TXNDC16: variants seen among roughly 807,000 people sequenced by gnomAD.
TXNDC16 encodes thioredoxin domain-containing protein 16.
TXNDC16 carries 74 observed loss-of-function variants against 85.6 expected under a neutral mutation model. The observed-to-expected ratio is 0.86, with a 90% CI of 0.72 to 1.05. TXNDC16 has a LOEUF of 1.05. Among genes scored for constraint, TXNDC16 ranks in the 50% least tolerant of loss-of-function variants. The pLI is 0.00. For synonymous variants in TXNDC16, 335 were observed against 326.5 expected, an observed-to-expected ratio of 1.03 and a Z score of -0.28; for missense variants, 959 against 947.0, an observed-to-expected ratio of 1.01 and a Z score of -0.17.
chr14:52,543,313 T>G, intron 3 of TXNDC16, 85 bp downstream of exon 3: 1 of 1,418,082 alleles, frequency 7.1e-7, no homozygotes. Flanking sequence ...ATTATTAATC[T>G]TAACAGAAAT....
At chr14:52,489,477 T>G (rs1216887935) in intron 11 of TXNDC16, among the ~76,000 whole-genome samples, 1 of 152,142 alleles carries the variant, frequency 6.6e-6, no homozygotes, top group African/African-American at 2.4e-5. Context: ...CTATCACATA[T>G]CTTCATTTTT....
intron 12 of TXNDC16, 53 bp from the exon 13 acceptor site, chr14:52,483,018 T>C: frequency 2.8e-6 from 4 of 1,432,056 alleles, no homozygotes; most frequent in Middle Eastern, 4.0e-4. Context: ...ATGAAAACTA[T>C]TTAAGCTCTT....
In TXNDC16 at chr14:52,482,253, A is replaced by C. The variant is rs903857570; in HGVS notation, c.1289T>G (p.Ile430Ser). 1 of 1,612,248 alleles carries C rather than the reference A, an allele frequency of 6.2e-7. No homozygotes were observed. The highest frequency in any genetic ancestry group is 8.5e-7 in the Non-Finnish European group (1 of 1,179,060). Residue 430 changes from isoleucine to serine, a missense_variant, in exon 14 of 21, where the codon ATT becomes AGT. Physicochemically the swap from Ile to Ser is moderately radical, Grantham distance 142. Transcript: ENST00000281741. ...ACCTTTCAGTTTAACTGCCACATCA[A>C]TATAGGATTGCAAAAATGCCATGGA... is the stretch of plus-strand genomic sequence containing the variant. Reference protein sequence around the residue: ...AVSMAFLQSYIDVAVKLKGTS... With the variant: ...AVSMAFLQSYSDVAVKLKGTS...
chr14:52,436,892 G>A (rs2035041809), intron 20 of TXNDC16, among the ~76,000 whole-genome samples: 1 of 151,532 alleles, frequency 6.6e-6, no homozygotes, highest in South Asian at 2.1e-4. Context: ...ACTCTGTCAT[G>A]GAACAGTATC....
At chr14:52,517,524 A>G (rs1013170055) in intron 7 of TXNDC16, among the ~76,000 whole-genome samples, 1 of 151,954 alleles carries the variant, frequency 6.6e-6, no homozygotes, top group African/African-American at 2.4e-5. Context: ...AAACCAAAAA[A>G]CGTTTATAAA....
At chr14:52,455,051 G>C (rs1377109084) in intron 18 of TXNDC16, among the ~76,000 whole-genome samples, 1 of 152,164 alleles carries the variant, frequency 6.6e-6, no homozygotes, top group Non-Finnish European at 1.5e-5. Flanking sequence ...TTCCAGAATG[G>C]ACATGCTTTA....
intron 16 of TXNDC16, among the ~76,000 whole-genome samples, chr14:52,466,632 C>T (rs1566542778): frequency 2.6e-5 from 4 of 151,748 alleles, no homozygotes; most frequent in African/African-American, 4.8e-5. Flanking sequence ...TTTGGGAGGC[C>T]GAGATAGGCG....
At chr14:52,503,151 G>A (rs1594736129) in intron 9 of TXNDC16, among the ~76,000 whole-genome samples, 1 of 152,226 alleles carries the variant, frequency 6.6e-6, no homozygotes, top group Non-Finnish European at 1.5e-5. Flanking sequence ...ACCTCTGGGG[G>A]CAGGACTTAG....
rs186976797 is a variant in TXNDC16 at position 52,463,702 on chromosome 14, C to A, written c.1618+6335G>T. 1.7e-3 allele frequency among the ~76,000 whole-genome samples: 263 copies of A among 152,290 alleles called. 1 individual carries two copies. The highest frequency in any genetic ancestry group is 6.3e-3 in the African/African-American group (260 of 41,560). ...TCTGTTTATACATTTAGTTAGGTTA[C>A]AGTTCACTACTTATAGAGAAACCTT... On this transcript the variant is annotated intron_variant, in intron 16 of 20. Transcript: ENST00000281741.
chr14:52,486,117 C>CAT (rs954917525), intron 12 of TXNDC16, among the ~76,000 whole-genome samples: 61 of 152,008 alleles, frequency 4.0e-4, no homozygotes, highest in African/African-American at 1.4e-3. Context: ...TCTTATTATT[C>CAT]ATATATTTTC....
chr14:52,529,299 G>A (rs1156893757), intron 6 of TXNDC16, among the ~76,000 whole-genome samples: 2 of 149,334 alleles, frequency 1.3e-5, no homozygotes, highest in African/African-American at 4.9e-5. Context: ...GACACAGGAA[G>A]GGGAACACAC....
chr14:52,439,850 G>A (rs1281308033), intron 19 of TXNDC16, among the ~76,000 whole-genome samples: 1 of 151,796 alleles, frequency 6.6e-6, no homozygotes, highest in African/African-American at 2.4e-5. Flanking sequence ...TCAAATTAAA[G>A]AAGTAGAAAT....
intron 1 of TXNDC16, among the ~76,000 whole-genome samples, chr14:52,545,029 C>T (rs1219534339): frequency 6.6e-6 from 1 of 152,050 alleles, no homozygotes; most frequent in Non-Finnish European, 1.5e-5. Context: ...GGAGAAAATG[C>T]ATGCATTTCT....
intron 18 of TXNDC16, among the ~76,000 whole-genome samples, chr14:52,450,420 G>A (rs2035380027): frequency 6.7e-6 from 1 of 149,334 alleles, no homozygotes; most frequent in Non-Finnish European, 1.5e-5. Flanking sequence ...TAACAAACAA[G>A]GAGATTGAAG....
chr14:52,500,791 G>A (rs569500481), intron 9 of TXNDC16, among the ~76,000 whole-genome samples: 1 of 152,128 alleles, frequency 6.6e-6, no homozygotes, highest in South Asian at 2.1e-4. Context: ...TTGAATCTGA[G>A]ACAGACAGCT....
At chr14:52,459,375 AG>A (rs2140119470) in intron 16 of TXNDC16, among the ~76,000 whole-genome samples, 2 of 152,278 alleles carry the variant, frequency 1.3e-5, no homozygotes, top group African/African-American at 4.8e-5. Flanking sequence ...TGAACCAGGA[AG>A]AAATTGATTC....
In TXNDC16 at chr14:52,490,769, T is replaced by C. The variant is rs2036381346; in HGVS notation, c.923+70A>G. 6.6e-6 allele frequency: 10 copies of C among 1,510,074 alleles called. No homozygotes were observed. In the Admixed American group the frequency reaches 1.9e-4, roughly 29 times the overall value. 93.5% of individuals were successfully genotyped at this position (1,510,074 alleles called of 1,614,324 possible). A position where few individuals can be genotyped will look rare whatever the true frequency, so the allele number is the denominator to read the frequency against. On this transcript the variant is annotated intron_variant, in intron 10 of 20. Coordinates refer to ENST00000281741, the MANE Select transcript of TXNDC16 (RefSeq NM_020784.3). The stretch of plus-strand genomic sequence containing the variant: ...TGAGTTTACTTATAAGTGATTAAAT[T>C]ACCATATTTTAAAACGTGGAAACTA...
At chr14:52,485,133 A>C (rs2036238994) in intron 12 of TXNDC16, among the ~76,000 whole-genome samples, 1 of 152,206 alleles carries the variant, frequency 6.6e-6, no homozygotes, top group Non-Finnish European at 1.5e-5. Context: ...AAGACCTTCC[A>C]AAGGGACAAG....
At chr14:52,527,242 T>C (rs1291934886) in intron 6 of TXNDC16, among the ~76,000 whole-genome samples, 4 of 152,062 alleles carry the variant, frequency 2.6e-5, no homozygotes, top group African/African-American at 4.8e-5. Context: ...GCATCTCAGG[T>C]AGGGGGCAGT....
Sources: gnomAD v4.1 joint callset for allele counts (sites outside exome capture counted in the v4.1 genomes callset) on GRCh38, gnomAD v4.1.1 for gene constraint, MANE v1.5 for transcripts, NCBI Gene and HGNC (gene_info 2026-07-23, HGNC 2026-07-21) for gene names.